The following PRKCG variants were observed in gnomAD, a reference collection of about 807,000 sequenced individuals.
PRKCG encodes protein kinase C gamma type.
PRKCG carries 28 observed loss-of-function variants against 82.0 expected under a neutral mutation model. The ratio of observed to expected loss-of-function variants is 0.34; its 90% CI spans 0.25 to 0.47. PRKCG has a LOEUF of 0.47. Ranked by LOEUF, PRKCG falls within the 20% of genes least tolerant of loss-of-function variation. PRKCG has a pLI of 1.00. For synonymous variants in PRKCG, 383 were observed against 376.6 expected (o/e 1.02, Z -0.20); for missense variants, 640 against 952.7 (o/e 0.67, Z 4.32).
Position 53,907,206 on chromosome 19 carries a change from C to A in PRKCG, c.*311C>A. The A allele has an allele frequency of 2.1e-6, 1 of 483,238 alleles. No individual in the cohort carries two copies. The highest frequency in any genetic ancestry group is 3.8e-6 in the Non-Finnish European group (1 of 265,962). 29.9% of individuals were successfully genotyped at this position (483,238 alleles called of 1,614,324 possible). Reference sequence around the variant, plus strand: ...TAACCATCCCCAACTCCATGGGGTTCGAGACTCCATCTTGGTAGTTCTGTG... The same window carrying A: ...TAACCATCCCCAACTCCATGGGGTTAGAGACTCCATCTTGGTAGTTCTGTG... On this transcript the variant is annotated 3_prime_UTR_variant, in exon 18 of 18. Coordinates refer to ENST00000263431, the MANE Select transcript of PRKCG (RefSeq NM_002739.5).
At chr19:53,905,432 CT>C (rs978549869) in intron 16 of PRKCG, among the ~76,000 whole-genome samples, 13 of 151,660 alleles carry the variant, frequency 8.6e-5, no homozygotes, top group African/African-American at 3.1e-4. Context: ...TCTGTCCTCC[CT>C]TTTCTCTGGG....
Position 53,892,846 on chromosome 19 carries a change from T to C in PRKCG, c.822-142T>C. The C allele has an allele frequency of 9.5e-7, 1 of 1,047,976 alleles. No individual in the cohort carries two copies. Among genetic ancestry groups the C allele is most frequent in the Non-Finnish European group, 1.4e-6 (1 of 701,260 alleles). The allele number at this position is 1,047,976 out of a possible 1,614,324, so 64.9% of individuals were successfully genotyped here. A position where few individuals can be genotyped will look rare whatever the true frequency, so the allele number is the denominator to read the frequency against. On this transcript the variant is annotated intron_variant, in intron 7 of 17. Coordinates refer to ENST00000263431, the MANE Select transcript of PRKCG (RefSeq NM_002739.5). This position sits in a 1 kb window ranked among gnomAD's most constrained non-coding sequence, Gnocchi z 5.9. ...TTCTTCTCCCCTCCCTTTCTCCCTC[T>C]CCCTCTCTTTTTATCTCACTCTTTC...
At chr19:53,885,310 C>T (rs991582523) in intron 3 of PRKCG, among the ~76,000 whole-genome samples, 13 of 152,178 alleles carry the variant, frequency 8.5e-5, no homozygotes, top group African/African-American at 2.9e-4. Flanking sequence ...CTCAATGCAA[C>T]TTCCGTTTCC....
At chr19:53,891,278 CTT>C (rs537462382) in intron 5 of PRKCG, among the ~76,000 whole-genome samples, 27 of 133,768 alleles carry the variant, frequency 2.0e-4, no homozygotes, top group Admixed American at 3.7e-4. Flanking sequence ...GCTTGGAATT[CTT>C]TTTTTTTTTT....
In PRKCG at chr19:53,900,593, C is replaced by A; in HGVS notation, c.1437-18C>A. 6.2e-7 allele frequency: 1 copy of A among 1,614,248 alleles called. No individual in the cohort carries two copies. Among genetic ancestry groups the A allele is most frequent in the Non-Finnish European group, 8.5e-7 (1 of 1,180,046 alleles). ...AACACTTCTTGCAATTCCTGCCCCA[C>A]ACCCCTGCATCGTCCAGGGACCTGA... On this transcript the variant is annotated intron_variant, in intron 13 of 17. Coordinates refer to ENST00000263431, the MANE Select transcript of PRKCG (RefSeq NM_002739.5). The surrounding 1 kb of genome is among the most constrained non-coding windows in gnomAD (Gnocchi z 4.2).
Position 53,898,247 on chromosome 19 carries a change from G to A in PRKCG, c.1092+136G>A, listed in dbSNP as rs150191223. On this transcript the variant is annotated intron_variant, in intron 10 of 17. Coordinates refer to ENST00000263431, the MANE Select transcript of PRKCG (RefSeq NM_002739.5). ...AATATGGTTAGGTTGGGCCGTTCAG[G>A]TTCCTGGAGAGGAGAGGTTTACAGA... The A allele has an allele frequency of 6.8e-4, 975 of 1,429,514 alleles. 7 individuals carry two copies. In the African/African-American group the frequency reaches 0.012, roughly 18 times the overall value. 88.6% of individuals were successfully genotyped at this position (1,429,514 alleles called of 1,614,324 possible). A position where few individuals can be genotyped will look rare whatever the true frequency, so the allele number is the denominator to read the frequency against.
rs1485000511 is a variant in PRKCG, at chr19:53,906,041, C to T, written c.1765-276C>T. 7.2e-3 allele frequency among the ~76,000 whole-genome samples: 237 copies of T among 32,864 alleles called. 1 individual carries two copies. The highest frequency in any genetic ancestry group is 0.026 in the Middle Eastern group (1 of 38). The allele number at this position is 32,864 out of a possible 152,430, so 21.6% of individuals were successfully genotyped here. ...TGTCTGTCTCCCTCCTCCTCCTCCT[C>T]CCTCCTCCTCCTCCTCCTCCTCCTC... On this transcript the variant is annotated intron_variant, in intron 16 of 17. Coordinates refer to ENST00000263431, the MANE Select transcript of PRKCG (RefSeq NM_002739.5).
chr19:53,898,592 CT>C lies in PRKCG; in HGVS notation c.1247del (p.Phe416SerfsTer18). The C allele has an allele frequency of 6.2e-7, 1 of 1,601,904 alleles. No homozygotes were observed. The highest frequency in any genetic ancestry group is 8.5e-7 in the Non-Finnish European group (1 of 1,175,226). ...GCCGGGGTCCTGGCGGCCGGCCCCA[CT>C]TCCTCACCCAGCTCCACTCCACCTT... ...GGRGPGGRPH[F>X]LTQLHSTFQT... On this transcript the variant is annotated frameshift_variant, in exon 11 of 18. Coordinates refer to ENST00000263431, the MANE Select transcript of PRKCG (RefSeq NM_002739.5). LOFTEE classifies it high-confidence loss of function.
chr19:53,885,438 G>T (rs534388553), intron 3 of PRKCG, among the ~76,000 whole-genome samples: 58 of 152,154 alleles, frequency 3.8e-4, no homozygotes, highest in African/African-American at 1.3e-3. Context: ...CACCATGTTG[G>T]CCAGGCTGGT....
rs557821185 is a variant in PRKCG at position 53,883,596 on chromosome 19, C to T, written c.202+402C>T. On this transcript the variant is annotated intron_variant, in intron 2 of 17. Coordinates refer to ENST00000263431, the MANE Select transcript of PRKCG (RefSeq NM_002739.5). The surrounding 1 kb of genome is among the most constrained non-coding windows in gnomAD (Gnocchi z 5.4). ...GCAGGGGCAGGCCGGGTGGGGTCAC[C>T]AATGGGCGAGTGGGGGCCGGGCGGG... is the stretch of plus-strand genomic sequence containing the variant. 6.8e-3 allele frequency among the ~76,000 whole-genome samples: 981 copies of T among 144,644 alleles called. 4 individuals carry two copies. Among genetic ancestry groups the T allele is most frequent in the Non-Finnish European group, 0.011 (707 of 65,866 alleles). The allele number at this position is 144,644 out of a possible 152,430, so 94.9% of individuals were successfully genotyped here. A position where few individuals can be genotyped will look rare whatever the true frequency, so the allele number is the denominator to read the frequency against.
In PRKCG at chr19:53,887,606, G is replaced by A. The variant is rs562373159; in HGVS notation, c.286-2032G>A. ...AGCTCTTTGGGAGGCTGAGGCAAGC[G>A]GATCACGAGGTCAGGAGATCCAAAC... On this transcript the variant is annotated intron_variant, in intron 3 of 17. Coordinates refer to ENST00000263431, the MANE Select transcript of PRKCG (RefSeq NM_002739.5). Among the ~76,000 whole-genome samples, 47 of 148,206 alleles carry A rather than the reference G, an allele frequency of 3.2e-4. 1 individual carries two copies. In the East Asian group the frequency reaches 6.3e-3, roughly 20 times the overall value.
chr19:53,882,177 T>C (rs2122971686), upstream of PRKCG: 2 of 382,198 alleles, frequency 5.2e-6, no homozygotes, highest in Non-Finnish European at 9.6e-6. This position sits in a 1 kb window ranked among gnomAD's most constrained non-coding sequence, Gnocchi z 6.1. Flanking sequence ...TGGCAACGCC[T>C]CCCCCAACCC....
At chr19:53,898,994 C>T (rs1338986367) in intron 11 of PRKCG, among the ~76,000 whole-genome samples, 30 of 110,256 alleles carry the variant, frequency 2.7e-4, no homozygotes, top group Non-Finnish European at 5.1e-4. Context: ...TTTAGAGGGG[C>T]GGGCTTTGTC....
At position 53,907,079 on chromosome 19, in the gene PRKCG, C is replaced by T. The variant is rs764816557; in HGVS notation, c.*184C>T. 1.2e-5 allele frequency: 16 copies of T among 1,335,408 alleles called. No individual in the cohort carries two copies. The South Asian group carries it at 1.8e-4, about 15-fold the overall frequency. The allele number at this position is 1,335,408 out of a possible 1,614,324, so 82.7% of individuals were successfully genotyped here. A position where few individuals can be genotyped will look rare whatever the true frequency, so the allele number is the denominator to read the frequency against. Reference sequence around the variant, plus strand: ...TCCTGGCCTTCTGAACTCCATACAGCCTCTACAGCCGTCCCGCGTTCAAGA... The same window carrying T: ...TCCTGGCCTTCTGAACTCCATACAGTCTCTACAGCCGTCCCGCGTTCAAGA... On this transcript the variant is annotated 3_prime_UTR_variant, in exon 18 of 18. Coordinates refer to ENST00000263431, the MANE Select transcript of PRKCG (RefSeq NM_002739.5).
At chr19:53,899,591 C>CT (rs11456997) in intron 11 of PRKCG, among the ~76,000 whole-genome samples, 7,198 of 145,140 alleles carry the variant, frequency 0.05, 365 homozygotes, top group East Asian at 0.12. Context: ...ACTTTGATTC[C>CT]TTTTTTTTTT....
Position 53,906,841 on chromosome 19 carries a change from C to T in PRKCG, c.2040C>T (p.Phe680=), listed in dbSNP as rs1262060255. 1.2e-6 allele frequency: 2 copies of T among 1,613,770 alleles called. No individual in the cohort carries two copies. Among genetic ancestry groups the T allele is most frequent in the Admixed American group, 1.7e-5 (1 of 60,030 alleles). ...GCTTCACCTACGTGAACCCCGACTT[C>T]GTGCACCCGGATGCCCGCAGCCCCA... is the stretch of plus-strand genomic sequence containing the variant. ...FQGFTYVNPD[F]VHPDARSPTS... is the part of the protein sequence containing the mutation. The change falls in exon 18 of 18, where the codon TTC becomes TTT. Residue 680 remains phenylalanine (F), a synonymous_variant. Coordinates refer to ENST00000263431, the MANE Select transcript of PRKCG (RefSeq NM_002739.5).
rs963702293 is a variant in PRKCG at position 53,883,305 on chromosome 19, G to A, written c.202+111G>A. 7.4e-7 allele frequency: 1 copy of A among 1,353,986 alleles called. No individual in the cohort carries two copies. The highest frequency in any genetic ancestry group is 1.0e-6 in the Non-Finnish European group (1 of 956,446). 83.9% of individuals were successfully genotyped at this position (1,353,986 alleles called of 1,614,324 possible). A position where few individuals can be genotyped will look rare whatever the true frequency, so the allele number is the denominator to read the frequency against. On this transcript the variant is annotated intron_variant, in intron 2 of 17. Transcript: ENST00000263431. This position sits in a 1 kb window ranked among gnomAD's most constrained non-coding sequence, Gnocchi z 5.4. ...CTCTGGTCCCCAGAGAGGCGCGGGG[G>A]AGCCCGGGGCGGGGGGTGTGGCAGA...
At chr19:53,901,864 A>AAAG (rs1353012537) in intron 14 of PRKCG, among the ~76,000 whole-genome samples, 2 of 150,650 alleles carry the variant, frequency 1.3e-5, no homozygotes, top group African/African-American at 4.9e-5. Context: ...AAAAAAAAAA[A>AAAG]AAGAAAAAGA....
chr19:53,893,792 C>T (rs777394621), intron 9 of PRKCG, among the ~76,000 whole-genome samples: 2 of 145,388 alleles, frequency 1.4e-5, no homozygotes, highest in African/African-American at 2.6e-5. Flanking sequence ...TTATTTCTGT[C>T]GCCCAGGCTG....
Sources: allele counts gnomAD v4.1 joint callset (sites outside exome capture counted in the v4.1 genomes callset), GRCh38; gene constraint gnomAD v4.1.1; non-coding constraint Gnocchi (gnomAD v3.1); transcripts MANE v1.5; gene names NCBI Gene and HGNC (gene_info 2026-07-23, HGNC 2026-07-21).